C4orf17: variants seen among roughly 807,000 people sequenced by gnomAD.
C4orf17 encodes chromosome 4 open reading frame 17.
Under a neutral mutation model 32.0 loss-of-function variants are expected in C4orf17, and 25 were observed. The observed-to-expected ratio is 0.78, with a 90% confidence interval of 0.57 to 1.09. The LOEUF is 1.09. Ranked by LOEUF, C4orf17 falls within the 50% of genes least tolerant of loss-of-function variation. C4orf17 has a pLI of 0.00. For missense variants in C4orf17, 420 were observed against 420.0 expected (o/e 1.00, Z 0.00); for synonymous variants, 149 against 145.8 (o/e 1.02, Z -0.16).
At chr4:99,511,831 A>AT (rs1197761886) in intron 1 of C4orf17, among the ~76,000 whole-genome samples, 1 of 152,174 alleles carries the variant, frequency 6.6e-6, no homozygotes, top group East Asian at 1.9e-4. Context: ...CATAAACAGC[A>AT]ATAAGAAAAT....
chr4:99,513,321 G>GT, intron 2 of C4orf17, 113 bp downstream of exon 2: 1 of 1,349,178 alleles, frequency 7.4e-7, no homozygotes, highest in Non-Finnish European at 1.0e-6. Context: ...CACTGGAGAG[G>GT]TATGGGAATT....
chr4:99,531,998 T>C (rs1222228637), intron 5 of C4orf17, among the ~76,000 whole-genome samples: 3 of 152,150 alleles, frequency 2.0e-5, no homozygotes, highest in Admixed American at 6.6e-5. Context: ...AAGAGAAACA[T>C]AATTCCGTGT....
At chr4:99,514,823 C>A (rs1332915593) in intron 2 of C4orf17, among the ~76,000 whole-genome samples, 1 of 152,170 alleles carries the variant, frequency 6.6e-6, no homozygotes, top group Non-Finnish European at 1.5e-5. Flanking sequence ...TATACCAGAA[C>A]AGTTCACAAT....
At chr4:99,535,664 C>T (rs1316266134) in intron 5 of C4orf17, among the ~76,000 whole-genome samples, 1 of 152,124 alleles carries the variant, frequency 6.6e-6, no homozygotes, top group Non-Finnish European at 1.5e-5. Context: ...AGCTTCTTTA[C>T]ATTAGGTTAC....
At position 99,517,352 on chromosome 4, in the gene C4orf17, TGCTGCAGGG is replaced by T. The variant is rs113783060; in HGVS notation, c.127+4161_127+4169del. ...GGATTCAATCTTCCCCAGAACATATTGCTGCAGGGGCTGCAGGGGCTGCAGAGTGGTAGA... is the reference window on the plus strand; with the variant it reads ...GGATTCAATCTTCCCCAGAACATATTGCTGCAGGGGCTGCAGAGTGGTAGA... On this transcript the variant is annotated intron_variant, in intron 2 of 8. Coordinates refer to ENST00000326581, the MANE Select transcript of C4orf17 (RefSeq NM_032149.3). 3.4e-3 allele frequency among the ~76,000 whole-genome samples: 516 copies of T among 152,182 alleles called. 4 individuals carry two copies. Among genetic ancestry groups the T allele is most frequent in the African/African-American group, 0.012 (478 of 41,498 alleles).
At chr4:99,540,525 C>A (rs1723637513) in intron 8 of C4orf17, 70 bp downstream of exon 8, 1 of 1,003,852 alleles carries the variant, frequency 1.0e-6, no homozygotes. Context: ...ACTCAGGGAA[C>A]AGATTTTAAG....
At chr4:99,513,359 T>C in intron 2 of C4orf17, 151 bp downstream of exon 2, 1 of 966,346 alleles carries the variant, frequency 1.0e-6, no homozygotes, top group Non-Finnish European at 1.5e-6. Context: ...GCCAGCACTG[T>C]AGTGAGAGCA....
chr4:99,540,348 A>G, intron 7 of C4orf17, 64 bp from the exon 8 acceptor site: 1 of 1,108,998 alleles, frequency 9.0e-7, no homozygotes. Flanking sequence ...ATGACAGTGT[A>G]GTCTATAGAA....
intron 5 of C4orf17, 35 bp from the exon 6 acceptor site, chr4:99,537,634 A>T (rs1200106437): frequency 8.3e-6 from 12 of 1,447,084 alleles, no homozygotes; most frequent in Non-Finnish European, 1.2e-5. Context: ...TGTACTATTT[A>T]TTTGCTCATA....
chr4:99,537,588 G>A lies in C4orf17; in HGVS notation c.547-81G>A, dbSNP rs1723582662. The A allele has an allele frequency of 1.5e-5, 15 of 967,936 alleles. 1 individual carries two copies. The South Asian group carries it at 1.9e-4, about 12-fold the overall frequency. 60.0% of individuals were successfully genotyped at this position (967,936 alleles called of 1,614,324 possible). On this transcript the variant is annotated intron_variant, in intron 5 of 8. Transcript: ENST00000326581. ...ATACAAAGTGATATTTGGGAAGATG[G>A]GATTCTGGAGAAGGTAAAGGAAAAC...
Position 99,540,464 on chromosome 4 carries a change from C to T in C4orf17, c.880+9C>T, listed in dbSNP as rs575532035. The T allele has an allele frequency of 6.3e-7, 1 of 1,596,298 alleles. No homozygotes were observed. Among genetic ancestry groups the T allele is most frequent in the Non-Finnish European group, 8.6e-7 (1 of 1,164,534 alleles). On this transcript the variant is annotated intron_variant, in intron 8 of 8. Coordinates refer to ENST00000326581, the MANE Select transcript of C4orf17 (RefSeq NM_032149.3). ...CAAGGAAGTACCAAAAGGTTAAGTA[C>T]AGTTTTTGGTAACTATTGAGTTGGT... is the stretch of plus-strand genomic sequence containing the variant.
chr4:99,541,963 G>T lies in C4orf17; in HGVS notation c.934G>T (p.Val312Phe). The T allele has an allele frequency of 6.2e-7, 1 of 1,613,846 alleles. No individual in the cohort carries two copies. ...LIRRNNMKIP[V>F]AEYFSKPNSP... Reference sequence around the variant, plus strand: ...AAGAAGAAATAATATGAAAATACCTGTTGCAGAATATTTCAGCAAACCAAA... The same window carrying T: ...AAGAAGAAATAATATGAAAATACCTTTTGCAGAATATTTCAGCAAACCAAA... The change falls in exon 9 of 9, where the codon GTT (valine) becomes TTT (phenylalanine). Residue 312 changes from valine (V) to phenylalanine (F), a missense_variant. Coordinates refer to ENST00000326581, the MANE Select transcript of C4orf17 (RefSeq NM_032149.3).
chr4:99,538,541 T>C (rs1206904541), intron 6 of C4orf17, among the ~76,000 whole-genome samples: 3 of 152,242 alleles, frequency 2.0e-5, no homozygotes, highest in African/African-American at 7.2e-5. Context: ...AATTCAACAC[T>C]ACTTTTTAGG....
intron 5 of C4orf17, chr4:99,536,083 G>A: frequency 2.6e-6 from 1 of 386,938 alleles, no homozygotes; most frequent in Admixed American, 3.2e-5. Flanking sequence ...AAAGGTGTCT[G>A]CCTGCTCCTT....
intron 3 of C4orf17, 29 bp downstream of exon 3, chr4:99,522,738 T>G: frequency 6.4e-7 from 1 of 1,561,242 alleles, no homozygotes. Context: ...GATGAAATGT[T>G]TCCTTATGCC....
intron 4 of C4orf17, among the ~76,000 whole-genome samples, chr4:99,526,878 T>G (rs1280094296): frequency 6.6e-6 from 1 of 152,134 alleles, no homozygotes; most frequent in Non-Finnish European, 1.5e-5. Flanking sequence ...TTGTGAGTTT[T>G]ATTGATCATT....
rs1560585617 is a variant in C4orf17, at chr4:99,518,573, AGAGAGAGAG to A, written c.128-3926_128-3918del. Among the ~76,000 whole-genome samples, 279 of 127,518 alleles carry A rather than the reference AGAGAGAGAG, an allele frequency of 2.2e-3. 7 individuals carry two copies. The highest frequency in any genetic ancestry group is 9.0e-3 in the African/African-American group (262 of 29,210). The allele number at this position is 127,518 out of a possible 152,430, so 83.7% of individuals were successfully genotyped here. A position where few individuals can be genotyped will look rare whatever the true frequency, so the allele number is the denominator to read the frequency against. On this transcript the variant is annotated intron_variant, in intron 2 of 8. Transcript: ENST00000326581. Reference sequence around the variant, plus strand: ...GAGAGAGAGAGAGAGAGAGAGAGAGAGAGAGAGAGAGGGAGGGAGACAGAGAGAGAGAGA... The same window carrying A: ...GAGAGAGAGAGAGAGAGAGAGAGAGAAGGGAGGGAGACAGAGAGAGAGAGA...
At chr4:99,539,726 T>C (rs1723626317) in intron 7 of C4orf17, among the ~76,000 whole-genome samples, 1 of 152,178 alleles carries the variant, frequency 6.6e-6, no homozygotes, top group South Asian at 2.1e-4. Flanking sequence ...GAAAACAAAA[T>C]TGTATTGTTA....
At chr4:99,540,928 C>T (rs143528380) in intron 8 of C4orf17, 6,541 of 152,894 alleles carry the variant, frequency 0.043, 153 homozygotes, top group Non-Finnish European at 0.056. Flanking sequence ...TGTGTTCCAC[C>T]AGAAGCCCAG....
Sources: gnomAD v4.1 joint callset for allele counts (sites outside exome capture counted in the v4.1 genomes callset) on GRCh38, gnomAD v4.1.1 for gene constraint, MANE v1.5 for transcripts, NCBI Gene and HGNC (gene_info 2026-07-23, HGNC 2026-07-21) for gene names.